GTF2A2: variants seen among roughly 807,000 people sequenced by gnomAD.
The protein encoded by GTF2A2 is general transcription factor IIA subunit 2, also known as transcription initiation factor IIA subunit 2.
Under a neutral mutation model 14.3 loss-of-function variants are expected in GTF2A2, and 9 were observed. That is an observed-to-expected ratio of 0.63 (90% confidence interval 0.38 to 1.10). The LOEUF (loss-of-function observed/expected upper bound fraction) is 1.10. Ranked by LOEUF, GTF2A2 falls within the 50% of genes least tolerant of loss-of-function variation. The pLI is 0.01. For synonymous variants in GTF2A2, 56 were observed against 46.0 expected, an observed-to-expected ratio of 1.22 and a Z score of -0.88; for missense variants, 90 against 124.6, an observed-to-expected ratio of 0.72 and a Z score of 1.32.
At chr15:59,642,627 G>T (rs766038099) in intron 3 of GTF2A2, among the ~76,000 whole-genome samples, 1 of 152,200 alleles carries the variant, frequency 6.6e-6, no homozygotes, top group African/African-American at 2.4e-5. Flanking sequence ...TATTGTGTAT[G>T]TTAATTCTCC....
Position 59,653,191 on chromosome 15 carries a change from A to C in GTF2A2, c.-49-865T>G, listed in dbSNP as rs1347467926. 2.6e-5 allele frequency among the ~76,000 whole-genome samples: 4 copies of C among 152,128 alleles called. No individual in the cohort carries two copies. The East Asian group carries it at 7.7e-4, about 29-fold the overall frequency. On this transcript the variant is annotated intron_variant, in intron 1 of 4. Coordinates refer to ENST00000396060, the MANE Select transcript of GTF2A2 (RefSeq NM_004492.3). ...AGGAAAGGTCAGACAGCTGGGCTTCAGTGCGTGATTTAGAAACAGATGAGG... is the reference window on the plus strand; with the variant it reads ...AGGAAAGGTCAGACAGCTGGGCTTCCGTGCGTGATTTAGAAACAGATGAGG...
intron 3 of GTF2A2, among the ~76,000 whole-genome samples, chr15:59,645,053 G>A (rs1369985922): frequency 6.6e-6 from 1 of 152,158 alleles, no homozygotes; most frequent in African/African-American, 2.4e-5. Flanking sequence ...CAATAGAAAT[G>A]GAGAGACTTT....
intron 3 of GTF2A2, among the ~76,000 whole-genome samples, chr15:59,648,107 C>A (rs1891665779): frequency 6.6e-6 from 1 of 152,012 alleles, no homozygotes; most frequent in Admixed American, 6.6e-5. Context: ...CATACAATGG[C>A]TCTTTAAAAG....
intron 1 of GTF2A2, among the ~76,000 whole-genome samples, chr15:59,655,329 C>T (rs1306232415): frequency 1.3e-5 from 2 of 152,202 alleles, no homozygotes; most frequent in African/African-American, 4.8e-5. Context: ...CTCCCAATTC[C>T]TTTTTTCCTA....
At chr15:59,646,754 T>C (rs1353137518) in intron 3 of GTF2A2, among the ~76,000 whole-genome samples, 1 of 152,056 alleles carries the variant, frequency 6.6e-6, no homozygotes, top group Non-Finnish European at 1.5e-5. Context: ...AATTGACAAT[T>C]AACATCATCA....
chr15:59,641,989 T>C, intron 4 of GTF2A2, 147 bp downstream of exon 4: 1 of 593,142 alleles, frequency 1.7e-6, no homozygotes. Context: ...GTAATCAGAA[T>C]TTAGTGGAGA....
intron 4 of GTF2A2, among the ~76,000 whole-genome samples, chr15:59,639,849 TA>T (rs1891340159): frequency 6.6e-6 from 1 of 151,996 alleles, no homozygotes; most frequent in African/African-American, 2.4e-5. Flanking sequence ...CTCTCGGGTT[TA>T]AGCAATTGTC....
At chr15:59,654,228 A>G (rs1340704842) in intron 1 of GTF2A2, among the ~76,000 whole-genome samples, 1 of 152,188 alleles carries the variant, frequency 6.6e-6, no homozygotes, top group Non-Finnish European at 1.5e-5. Flanking sequence ...TGGGCCCCCC[A>G]GTGCCTACTT....
At chr15:59,642,105 T>A in intron 4 of GTF2A2, 31 bp downstream of exon 4, 1 of 1,576,344 alleles carries the variant, frequency 6.3e-7, no homozygotes. Flanking sequence ...AGGTTTCAAG[T>A]AGCTTTCACA....
chr15:59,651,949 G>T, intron 2 of GTF2A2: 1 of 317,274 alleles, frequency 3.2e-6, no homozygotes, highest in South Asian at 5.2e-5. Context: ...CTCCTAAAGT[G>T]CTGGGATTAG....
chr15:59,644,579 C>T (rs568615119), intron 3 of GTF2A2, among the ~76,000 whole-genome samples: 5 of 152,256 alleles, frequency 3.3e-5, no homozygotes, highest in African/African-American at 9.6e-5. Context: ...CAGGTAAATA[C>T]GTAGTATAAC....
intron 3 of GTF2A2, among the ~76,000 whole-genome samples, chr15:59,644,730 G>A (rs1330225237): frequency 6.6e-6 from 1 of 152,232 alleles, no homozygotes; most frequent in Non-Finnish European, 1.5e-5. Context: ...AGTCAATGGA[G>A]AGGAGGGATA....
intron 3 of GTF2A2, among the ~76,000 whole-genome samples, chr15:59,643,886 T>A (rs933345649): frequency 6.7e-6 from 1 of 148,200 alleles, no homozygotes; most frequent in African/African-American, 2.5e-5. Context: ...GCGTGAGCCA[T>A]AGCACCCAGC....
intron 4 of GTF2A2, among the ~76,000 whole-genome samples, chr15:59,639,844 G>A (rs1429062248): frequency 3.3e-5 from 5 of 152,040 alleles, no homozygotes; most frequent in African/African-American, 1.2e-4. Context: ...TCCACCTCTC[G>A]GGTTTAAGCA....
intron 3 of GTF2A2, among the ~76,000 whole-genome samples, chr15:59,645,836 AC>A (rs1891586494): frequency 6.6e-6 from 1 of 151,888 alleles, no homozygotes; most frequent in Non-Finnish European, 1.5e-5. Context: ...GGAGTTCAAG[AC>A]CAGCCTGGCC....
intron 3 of GTF2A2, among the ~76,000 whole-genome samples, chr15:59,642,908 A>G (rs1891478232): frequency 1.3e-5 from 2 of 151,896 alleles, no homozygotes; most frequent in South Asian, 2.1e-4. Context: ...CTGGGACTAC[A>G]GGTGCCTGCC....
intron 4 of GTF2A2, among the ~76,000 whole-genome samples, chr15:59,640,741 G>C (rs2141955342): frequency 6.6e-6 from 1 of 152,136 alleles, no homozygotes; most frequent in Admixed American, 6.5e-5. Context: ...GGGTTACGAG[G>C]ATGCTGTTAC....
In GTF2A2 at chr15:59,642,072, T is replaced by A. The variant is rs1891447794; in HGVS notation, c.304+64A>T. 1.3e-5 allele frequency: 19 copies of A among 1,459,788 alleles called. No individual in the cohort carries two copies. In the South Asian group the frequency reaches 2.3e-4, roughly 17 times the overall value. The allele number at this position is 1,459,788 out of a possible 1,614,324, so 90.4% of individuals were successfully genotyped here. ...GTTAGGCTTTTCATATGGATGCAGA[T>A]CTTCTAAAGGCTCATAAAAACAAGG... On this transcript the variant is annotated intron_variant, in intron 4 of 4. Transcript: ENST00000396060.
intron 4 of GTF2A2, among the ~76,000 whole-genome samples, chr15:59,641,061 C>CTAAAAATCAGGCT (rs1891403887): frequency 6.6e-6 from 1 of 152,040 alleles, no homozygotes; most frequent in African/African-American, 2.4e-5. Flanking sequence ...TATATAGCTA[C>CTAAAAATCAGGCT]TAAAAATCAG....
Sources: allele counts gnomAD v4.1 joint callset (sites outside exome capture counted in the v4.1 genomes callset), GRCh38; gene constraint gnomAD v4.1.1; transcripts MANE v1.5; gene names NCBI Gene and HGNC (gene_info 2026-07-23, HGNC 2026-07-21).